Variants in HDAC9 observed in about 807,000 individuals in gnomAD.
The protein encoded by HDAC9 is histone deacetylase 9.
In HDAC9, 41 loss-of-function variants were observed where a neutral mutation model predicts 139.4. The ratio of observed to expected loss-of-function variants is 0.29; its 90% CI spans 0.23 to 0.38. The LOEUF is 0.38. HDAC9 is among the 10% of genes least tolerant of loss of function. The probability of loss-of-function intolerance (pLI) is 1.00; values close to 1 mark genes in which losing one functional copy is unlikely to be tolerated. For synonymous variants in HDAC9, 517 were observed against 476.2 expected (o/e 1.09, Z -1.12); for missense variants, 1,147 against 1,297.0 (o/e 0.88, Z 1.78).
chr7:18,928,270 A>G (rs1804414156), intron 22 of HDAC9, among the ~76,000 whole-genome samples: 1 of 152,194 alleles, frequency 6.6e-6, no homozygotes, highest in Non-Finnish European at 1.5e-5. Context: ...AGAATCTCTC[A>G]TTTCTCTGAG....
At chr7:18,846,668 C>T (rs972261368) in intron 21 of HDAC9, among the ~76,000 whole-genome samples, 7 of 152,158 alleles carry the variant, frequency 4.6e-5, no homozygotes, top group Non-Finnish European at 8.8e-5. Flanking sequence ...AAATAAATTA[C>T]TGCATGTATT....
At chr7:18,632,995 C>T (rs1782807679) in intron 7 of HDAC9, among the ~76,000 whole-genome samples, 2 of 151,902 alleles carry the variant, frequency 1.3e-5, no homozygotes, top group Admixed American at 1.3e-4. Flanking sequence ...TGTAGGGGAG[C>T]TTGGAAGGTC....
intron 12 of HDAC9, among the ~76,000 whole-genome samples, chr7:18,724,675 T>A (rs1785395872): frequency 6.6e-6 from 1 of 152,180 alleles, no homozygotes; most frequent in African/African-American, 2.4e-5. Context: ...GGGATTTTTG[T>A]GTTCCATTAT....
chr7:18,921,993 C>G (rs912655603), intron 22 of HDAC9, among the ~76,000 whole-genome samples: 1 of 149,188 alleles, frequency 6.7e-6, no homozygotes, highest in Non-Finnish European at 1.5e-5. Context: ...AAACCAAACA[C>G]CGCATATTCT....
chr7:18,706,793 G>C (rs1475415792), intron 12 of HDAC9, among the ~76,000 whole-genome samples: 5 of 152,236 alleles, frequency 3.3e-5, no homozygotes, highest in African/African-American at 1.2e-4. Context: ...TGTCAAGAGT[G>C]CTGAGTTTCA....
At position 18,554,567 on chromosome 7, in the gene HDAC9, C is replaced by T. The variant is rs113111192; in HGVS notation, c.23-30714C>T. ...AGCCAGGATGGTCTCTATCTCCTAA[C>T]CTTGTGATCCACCTGCCTCGGCCTC... On this transcript the variant is annotated intron_variant, in intron 2 of 25. Coordinates refer to ENST00000686413, the MANE Select transcript of HDAC9 (RefSeq NM_178425.4). Among the ~76,000 whole-genome samples, 1,099 of 152,158 alleles carry T rather than the reference C, an allele frequency of 7.2e-3. 11 individuals are homozygous for T. The highest frequency in any genetic ancestry group is 0.025 in the African/African-American group (1,036 of 41,496).
intron 23 of HDAC9, among the ~76,000 whole-genome samples, chr7:18,952,295 TA>T (rs1470211408): frequency 6.6e-6 from 1 of 151,974 alleles, no homozygotes; most frequent in Non-Finnish European, 1.5e-5. Flanking sequence ...GCTTTCTGTA[TA>T]ACCTGAGTCT....
At chr7:18,874,412 T>C (rs1056016190) in intron 21 of HDAC9, 66 bp from the exon 22 acceptor site, 3 of 959,768 alleles carry the variant, frequency 3.1e-6, no homozygotes, top group Non-Finnish European at 1.6e-6. Flanking sequence ...CAGGTCGTTT[T>C]CACTGAACGA....
At chr7:18,444,231 T>C (rs1388841702) in intron 1 of HDAC9, among the ~76,000 whole-genome samples, 1 of 150,658 alleles carries the variant, frequency 6.6e-6, no homozygotes, top group African/African-American at 2.4e-5. Flanking sequence ...CCCAGCTACT[T>C]GGGAGCCTGA....
chr7:18,151,447 T>C (rs1188210068), intron 1 of HDAC9, among the ~76,000 whole-genome samples: 1 of 152,254 alleles, frequency 6.6e-6, no homozygotes, highest in Non-Finnish European at 1.5e-5. Context: ...TAGCCTGTTT[T>C]ACTGATGGGA....
intron 24 of HDAC9, among the ~76,000 whole-genome samples, chr7:18,968,459 G>T (rs545564840): frequency 5.9e-5 from 9 of 152,146 alleles, no homozygotes; most frequent in African/African-American, 2.2e-4. Flanking sequence ...TACAGAGAGA[G>T]AGAAAAAGAT....
chr7:18,862,489 T>G (rs1429641199), intron 21 of HDAC9, among the ~76,000 whole-genome samples: 1 of 152,208 alleles, frequency 6.6e-6, no homozygotes, highest in African/African-American at 2.4e-5. Flanking sequence ...AAGTGATTTT[T>G]CTAACCCCCT....
intron 13 of HDAC9, among the ~76,000 whole-genome samples, chr7:18,729,153 T>G (rs1381448387): frequency 6.6e-6 from 1 of 152,178 alleles, no homozygotes; most frequent in Admixed American, 6.5e-5. Context: ...AGCAATAGCC[T>G]TTAAGAATTA....
chr7:18,284,110 T>C lies in HDAC9; in HGVS notation c.25+121761T>C, dbSNP rs142647551. Among the ~76,000 whole-genome samples, 845 of 152,284 alleles carry C rather than the reference T, an allele frequency of 5.5e-3. 6 individuals carry two copies. The highest frequency in any genetic ancestry group is 7.8e-3 in the Non-Finnish European group (527 of 67,994). On this transcript the variant is annotated intron_variant, in intron 2 of 12. Coordinates refer to the HDAC9 transcript ENST00000417496. ...AAAGAAGTCCAGGAGGCCACCAAAT[T>C]GTTCCCATTGGCTTTTTTGTGTAGT...
At chr7:18,359,743 G>T (rs1210591461) in intron 1 of HDAC9, among the ~76,000 whole-genome samples, 1 of 152,014 alleles carries the variant, frequency 6.6e-6, no homozygotes, top group Non-Finnish European at 1.5e-5. Context: ...CGAGTAGCTG[G>T]GACCACAGGC....
chr7:18,420,794 A>G (rs972799526), intron 1 of HDAC9, among the ~76,000 whole-genome samples: 1 of 152,228 alleles, frequency 6.6e-6, no homozygotes, highest in Non-Finnish European at 1.5e-5. Flanking sequence ...GATACTACCC[A>G]GAAGAAAGTA....
intron 2 of HDAC9, among the ~76,000 whole-genome samples, chr7:18,569,313 C>T (rs544496952): frequency 6.6e-6 from 1 of 152,162 alleles, no homozygotes; most frequent in South Asian, 2.1e-4. Context: ...AAATATTTTC[C>T]TTTAAAAAAT....
intron 1 of HDAC9, among the ~76,000 whole-genome samples, chr7:18,321,060 A>C (rs910390395): frequency 2.0e-5 from 3 of 152,152 alleles, no homozygotes; most frequent in African/African-American, 7.2e-5. Flanking sequence ...ATAGAACTTG[A>C]CCAAATAGGT....
At chr7:18,975,251 C>T (rs995295563) in intron 24 of HDAC9, among the ~76,000 whole-genome samples, 2 of 152,208 alleles carry the variant, frequency 1.3e-5, no homozygotes, top group African/African-American at 4.8e-5. Context: ...AATTATTGTT[C>T]TAGTACACAC....
Sources: allele counts gnomAD v4.1 joint callset (sites outside exome capture counted in the v4.1 genomes callset), GRCh38; gene constraint gnomAD v4.1.1; transcripts MANE v1.5; gene names NCBI Gene and HGNC (gene_info 2026-07-23, HGNC 2026-07-21).